TRPC4AP: variants seen among roughly 807,000 people sequenced by gnomAD.
The protein encoded by TRPC4AP is transient receptor potential cation channel subfamily C member 4 associated protein.
In TRPC4AP, 45 loss-of-function variants were observed where a neutral mutation model predicts 99.0. The ratio of observed to expected loss-of-function variants is 0.45; its 90% CI spans 0.36 to 0.58. The LOEUF (loss-of-function observed/expected upper bound fraction) is 0.58. TRPC4AP is among the 20% of genes least tolerant of loss of function. TRPC4AP has a pLI of 0.00. For synonymous variants in TRPC4AP, 408 were observed against 385.8 expected, an observed-to-expected ratio of 1.06 and a Z score of -0.67; for missense variants, 879 against 985.3, an observed-to-expected ratio of 0.89 and a Z score of 1.44.
At chr20:35,059,935 C>T (rs901981543) in intron 3 of TRPC4AP, among the ~76,000 whole-genome samples, 2 of 149,152 alleles carry the variant, frequency 1.3e-5, no homozygotes, top group African/African-American at 2.5e-5. Context: ...ACGAAGAAGA[C>T]GAAGAAGAAG....
intron 13 of TRPC4AP, 75 bp from the exon 14 acceptor site, chr20:35,007,715 G>A: frequency 1.3e-6 from 2 of 1,489,632 alleles, no homozygotes; most frequent in East Asian, 2.3e-5. Flanking sequence ...AAGGGGTTGG[G>A]AGATGTTTGT....
chr20:35,090,377 C>T (rs868229262), intron 1 of TRPC4AP, among the ~76,000 whole-genome samples: 10 of 88,976 alleles, frequency 1.1e-4, no homozygotes, highest in South Asian at 4.0e-4. Flanking sequence ...ATCTGGTGAG[C>T]TTTTTTTTTT....
Position 35,006,591 on chromosome 20 carries a change from C to A in TRPC4AP, c.1687-16G>T. 1 of 1,612,012 alleles carries A rather than the reference C, an allele frequency of 6.2e-7. No homozygotes were observed. The highest frequency in any genetic ancestry group is 8.5e-7 in the Non-Finnish European group (1 of 1,178,528). The stretch of plus-strand genomic sequence containing the variant: ...AAAGGATGTGCTGGGTGAGGAGGGA[C>A]AGGGTGAAGGTGTCAACGTGGCTGC... On this transcript the variant is annotated splice_polypyrimidine_tract_variant and intron_variant, in intron 14 of 18. Coordinates refer to ENST00000252015, the MANE Select transcript of TRPC4AP (RefSeq NM_015638.3).
In TRPC4AP at chr20:35,067,689, T is replaced by C. The variant is rs919282039; in HGVS notation, c.414+1607A>G. On this transcript the variant is annotated intron_variant, in intron 3 of 18. Coordinates refer to ENST00000252015, the MANE Select transcript of TRPC4AP (RefSeq NM_015638.3). ...CATCATTTGACCATAAAAATGAGTG[T>C]TGATACATGCTACAACACAGATGAA... 3.9e-5 allele frequency among the ~76,000 whole-genome samples: 6 copies of C among 152,234 alleles called. No individual in the cohort carries two copies. In the East Asian group the frequency reaches 9.6e-4, roughly 24 times the overall value.
chr20:35,041,286 CA>C (rs1467714712), intron 7 of TRPC4AP, among the ~76,000 whole-genome samples: 3 of 152,140 alleles, frequency 2.0e-5, no homozygotes, highest in Non-Finnish European at 2.9e-5. Context: ...TTTCCTCATC[CA>C]CTCGTGATTT....
intron 7 of TRPC4AP, among the ~76,000 whole-genome samples, chr20:35,038,312 A>T (rs1301012584): frequency 6.6e-6 from 1 of 151,444 alleles, no homozygotes; most frequent in Non-Finnish European, 1.5e-5. Context: ...TGGCAAATAT[A>T]AAAAAGTTTG....
intron 8 of TRPC4AP, 86 bp from the exon 9 acceptor site, chr20:35,021,442 T>TA (rs2082887894): frequency 3.4e-5 from 49 of 1,454,792 alleles, no homozygotes; most frequent in Non-Finnish European, 4.4e-5. Flanking sequence ...AACAGACTTG[T>TA]AGCATGGCCA....
intron 3 of TRPC4AP, among the ~76,000 whole-genome samples, chr20:35,062,504 G>A (rs1487359380): frequency 1.3e-5 from 2 of 152,182 alleles, no homozygotes; most frequent in Non-Finnish European, 2.9e-5. Context: ...ACAATAAAAA[G>A]GAATGGAGTA....
intron 6 of TRPC4AP, among the ~76,000 whole-genome samples, chr20:35,048,212 G>T (rs6060177): frequency 0.34 from 10,855 of 31,630 alleles, 1,695 homozygotes; most frequent in African/African-American, 0.45. Context: ...TAAGAATTCT[G>T]TTTTTTTTTT....
intron 3 of TRPC4AP, among the ~76,000 whole-genome samples, chr20:35,068,267 T>C (rs1373104811): frequency 6.6e-6 from 1 of 152,156 alleles, no homozygotes; most frequent in African/African-American, 2.4e-5. Context: ...AGTATGTTGG[T>C]GATGGTATGG....
intron 1 of TRPC4AP, among the ~76,000 whole-genome samples, chr20:35,087,087 T>A (rs1191907975): frequency 6.7e-6 from 1 of 148,528 alleles, no homozygotes; most frequent in African/African-American, 2.5e-5. Context: ...CCCAGCACCT[T>A]GGGAGGCCGA....
intron 12 of TRPC4AP, 123 bp from the exon 13 acceptor site, chr20:35,008,870 T>A: frequency 2.3e-6 from 2 of 852,446 alleles, no homozygotes; most frequent in Non-Finnish European, 3.7e-6. Flanking sequence ...GCAGGATGCC[T>A]TCCTGCTCCA....
chr20:35,019,952 C>T (rs1184405900), intron 9 of TRPC4AP, among the ~76,000 whole-genome samples: 2 of 152,130 alleles, frequency 1.3e-5, no homozygotes, highest in Non-Finnish European at 2.9e-5. Flanking sequence ...CACAACTCCC[C>T]ATCTTCCTCC....
rs1487171166 is a variant in TRPC4AP at position 35,048,210 on chromosome 20, C to CTTTTTTTTTTTTTTTTTTTTT, written c.657+1655_657+1656insAAAAAAAAAAAAAAAAAAAAA. Among the ~76,000 whole-genome samples the CTTTTTTTTTTTTTTTTTTTTT allele has an allele frequency of 4.4e-5, 4 of 91,442 alleles. 1 individual carries two copies. The highest frequency in any genetic ancestry group is 6.3e-5 in the Non-Finnish European group (3 of 47,342). 60.0% of individuals were successfully genotyped at this position (91,442 alleles called of 152,430 possible). On this transcript the variant is annotated intron_variant, in intron 6 of 18. Transcript: ENST00000252015. ...TTTTTCATGCTGATTTGTAAGAATTCTGTTTTTTTTTTTTTTTTTGAGAGG... is the reference window on the plus strand; with the variant it reads ...TTTTTCATGCTGATTTGTAAGAATTCTTTTTTTTTTTTTTTTTTTTTTGTTTTTTTTTTTTTTTTTGAGAGG...
intron 1 of TRPC4AP, 22 bp downstream of exon 1, chr20:35,092,592 C>A: frequency 6.8e-7 from 1 of 1,467,844 alleles, no homozygotes; most frequent in South Asian, 1.3e-5. Context: ...CCCGCCCCGC[C>A]CCTCCTGGTC....
Position 35,086,551 on chromosome 20 carries a change from G to GTA in TRPC4AP, c.168+6062_168+6063insTA, listed in dbSNP as rs1569158143. 3.5e-4 allele frequency among the ~76,000 whole-genome samples: 28 copies of GTA among 80,358 alleles called. 3 individuals are homozygous for GTA. Among genetic ancestry groups the GTA allele is most frequent in the East Asian group, 3.3e-3 (8 of 2,446 alleles). 52.7% of individuals were successfully genotyped at this position (80,358 alleles called of 152,430 possible). A position where few individuals can be genotyped will look rare whatever the true frequency, so the allele number is the denominator to read the frequency against. On this transcript the variant is annotated intron_variant, in intron 1 of 18. Transcript: ENST00000252015. ...TGTGTGTGTGTGTGTGTGTGTGTGTGTGTGTGTGTGTGTGTGTGTGTGTGT... is the reference window on the plus strand; with the variant it reads ...TGTGTGTGTGTGTGTGTGTGTGTGTGTATGTGTGTGTGTGTGTGTGTGTGTGT...
chr20:35,071,225 C>A (rs900089273), intron 2 of TRPC4AP, among the ~76,000 whole-genome samples: 2 of 152,132 alleles, frequency 1.3e-5, no homozygotes, highest in South Asian at 4.1e-4. Context: ...AGAACACTGT[C>A]ATTCAGTTTC....
intron 14 of TRPC4AP, 104 bp from the exon 15 acceptor site, chr20:35,006,679 T>C (rs1247827349): frequency 4.8e-6 from 7 of 1,443,700 alleles, no homozygotes; most frequent in Non-Finnish European, 6.6e-6. Flanking sequence ...ATCCTGGGGA[T>C]GGAACTGGCA....
At position 35,002,533 on chromosome 20, in the gene TRPC4AP, G is replaced by A; in HGVS notation, c.*613C>T. 4.1e-6 allele frequency: 1 copy of A among 241,618 alleles called. No individual in the cohort carries two copies. The highest frequency in any genetic ancestry group is 7.9e-6 in the Non-Finnish European group (1 of 126,746). The allele number at this position is 241,618 out of a possible 1,614,324, so 15.0% of individuals were successfully genotyped here. A position where few individuals can be genotyped will look rare whatever the true frequency, so the allele number is the denominator to read the frequency against. ...AGCGGCTGCCTCAGGCAGAGGCAGGGCAGGCACAGCTGCCCCGTGCCCCAA... is the reference window on the plus strand; with the variant it reads ...AGCGGCTGCCTCAGGCAGAGGCAGGACAGGCACAGCTGCCCCGTGCCCCAA... On this transcript the variant is annotated 3_prime_UTR_variant, in exon 19 of 19. Coordinates refer to ENST00000252015, the MANE Select transcript of TRPC4AP (RefSeq NM_015638.3).
Sources: allele counts gnomAD v4.1 joint callset (sites outside exome capture counted in the v4.1 genomes callset), GRCh38; gene constraint gnomAD v4.1.1; transcripts MANE v1.5; gene names NCBI Gene and HGNC (gene_info 2026-07-23, HGNC 2026-07-21).